Variants in CD3G observed in about 807,000 individuals in gnomAD.
CD3G encodes T-cell surface glycoprotein CD3 gamma chain.
CD3G carries 24 observed loss-of-function variants against 28.3 expected under a neutral mutation model. That is an observed-to-expected ratio of 0.85 (90% CI 0.61 to 1.19). CD3G has a LOEUF of 1.19. CD3G is among the 50% of genes most tolerant of loss of function. The pLI is 0.00. For missense variants in CD3G, 211 were observed against 210.0 expected (o/e 1.00, Z -0.03); for synonymous variants, 71 against 75.9 (o/e 0.93, Z 0.34).
intron 6 of CD3G, 65 bp from the exon 7 acceptor site, chr11:118,353,054 C>A (rs373029363): frequency 6.3e-6 from 1 of 157,902 alleles, no homozygotes. Flanking sequence ...AAGTTTCTAT[C>A]AGGAAGACAG....
In CD3G at chr11:118,349,747, C is replaced by A. The variant is rs1221321410; in HGVS notation, c.84C>A (p.Asn28Lys). ...CCACGGCTTTTCTCATTTCAGGAAA[C>A]CACTTGGTTAAGGTGTATGACTATC... ...QGTLAQSIKGNHLVKVYDYQE... is the reference protein window; with the variant it reads ...QGTLAQSIKGKHLVKVYDYQE... Residue 28 changes from asparagine to lysine, a missense_variant, in exon 3 of 7, where the codon AAC (asparagine) becomes AAA (lysine). Coordinates refer to ENST00000532917, the MANE Select transcript of CD3G (RefSeq NM_000073.3). The A allele has an allele frequency of 1.2e-6, 2 of 1,612,784 alleles. No individual in the cohort carries two copies. The highest frequency in any genetic ancestry group is 2.2e-5 in the South Asian group (2 of 91,034).
chr11:118,346,314 G>A (rs1948355515), intron 1 of CD3G, among the ~76,000 whole-genome samples: 1 of 152,112 alleles, frequency 6.6e-6, no homozygotes, highest in Non-Finnish European at 1.5e-5. Context: ...GTGGGTGCCT[G>A]TAATCCCAGC....
rs762650604 is a variant in CD3G at position 118,351,667 on chromosome 11, A to G, written c.479A>G (p.Tyr160Cys). 1.2e-6 allele frequency: 2 copies of G among 1,613,784 alleles called. No homozygotes were observed. Among genetic ancestry groups the G allele is most frequent in the East Asian group, 2.2e-5 (1 of 44,892 alleles). ...KQTLLPNDQLYQPLKDREDDQ... is the reference protein window; with the variant it reads ...KQTLLPNDQLCQPLKDREDDQ... ...ACTCTGTTGCCCAATGACCAGCTCT[A>G]CCAGGTAAGGGGATGAAGAATAAAA... The change falls in exon 5 of 7, where the codon TAC becomes TGC. Residue 160 changes from tyrosine to cysteine, a missense_variant. Physicochemically the swap from Tyr to Cys is radical, Grantham distance 194. Transcript: ENST00000532917.
intron 1 of CD3G, among the ~76,000 whole-genome samples, chr11:118,345,348 A>C (rs1318818706): frequency 6.6e-6 from 1 of 152,250 alleles, no homozygotes; most frequent in African/African-American, 2.4e-5. Context: ...AAGAGAGCCC[A>C]CTAATATAAG....
At chr11:118,347,261 G>A (rs1322782822) in intron 1 of CD3G, among the ~76,000 whole-genome samples, 1 of 152,032 alleles carries the variant, frequency 6.6e-6, no homozygotes, top group Non-Finnish European at 1.5e-5. Flanking sequence ...GTATATTCTT[G>A]CTTACTCTTC....
intron 5 of CD3G, 95 bp from the exon 6 acceptor site, chr11:118,352,309 C>A: frequency 9.6e-7 from 1 of 1,038,286 alleles, no homozygotes; most frequent in Non-Finnish European, 1.5e-6. Context: ...GTACCCACTC[C>A]AAATTCTCAC....
In CD3G at chr11:118,353,828, GTCTTAAAA is replaced by G. The variant is rs1055005547; in HGVS notation, c.*729_*736del. The stretch of plus-strand genomic sequence containing the variant: ...TTACAGGTGTGAGCCACCATGCCTG[GTCTTAAAA>G]CCAGTTTCTTATATATCTCTCTGGA... On this transcript the variant is annotated 3_prime_UTR_variant, in exon 7 of 7. Transcript: ENST00000532917. The G allele has an allele frequency of 6.6e-6, 1 of 152,040 alleles. No individual in the cohort carries two copies. The highest frequency in any genetic ancestry group is 2.4e-5 in the African/African-American group (1 of 41,370). 9.4% of individuals were successfully genotyped at this position (152,040 alleles called of 1,614,324 possible).
intron 1 of CD3G, among the ~76,000 whole-genome samples, chr11:118,345,734 C>G (rs1338571634): frequency 6.6e-6 from 1 of 151,974 alleles, no homozygotes; most frequent in Non-Finnish European, 1.5e-5. Context: ...CCTCTAAGAC[C>G]AGGAGAAAGG....
chr11:118,352,966 T>C (rs187294697), intron 6 of CD3G, among the ~76,000 whole-genome samples, 153 bp from the exon 7 acceptor site: 3 of 152,326 alleles, frequency 2.0e-5, no homozygotes, highest in Admixed American at 2.0e-4. Context: ...TCACCCTTAG[T>C]TAAGAACCAC....
intron 5 of CD3G, among the ~76,000 whole-genome samples, chr11:118,352,126 G>A (rs1391005565): frequency 6.6e-6 from 1 of 151,988 alleles, no homozygotes; most frequent in East Asian, 1.9e-4. Flanking sequence ...TGAGGCAGGA[G>A]GACCACTTGA....
At chr11:118,344,584 CT>C (rs1442393395) in intron 1 of CD3G, 106 bp downstream of exon 1, 4 of 983,346 alleles carry the variant, frequency 4.1e-6, no homozygotes, top group Middle Eastern at 2.1e-4. Context: ...CCTACCTCTG[CT>C]GTCACCTTAG....
chr11:118,349,856 C>G lies in CD3G; in HGVS notation c.193C>G (p.Leu65Val). The change falls in exon 3 of 7, where the codon CTA (leucine) becomes GTA (valine). Residue 65 changes from leucine (L) to valine (V), a missense_variant. Transcript: ENST00000532917. ...TAAAGATGGGAAGATGATCGGCTTC[C>G]TAACTGAAGATAAAAAAAAATGGAA... ...WFKDGKMIGF[L>V]TEDKKKWNLG... 1.2e-6 allele frequency: 2 copies of G among 1,613,988 alleles called. No homozygotes were observed. Among genetic ancestry groups the G allele is most frequent in the Non-Finnish European group, 1.7e-6 (2 of 1,179,932 alleles).
intron 2 of CD3G, 115 bp from the exon 3 acceptor site, chr11:118,349,628 T>G (rs548243415): frequency 2.4e-6 from 2 of 835,658 alleles, no homozygotes; most frequent in Non-Finnish European, 4.0e-6. Flanking sequence ...CCCCATGTGA[T>G]TCATGTGCAC....
intron 1 of CD3G, 46 bp from the exon 2 acceptor site, chr11:118,348,981 C>T: frequency 1.9e-6 from 3 of 1,607,652 alleles, no homozygotes; most frequent in African/African-American, 1.3e-5. Context: ...GGCATCTGAA[C>T]AACTCCATGC....
rs180793518 is a variant in CD3G at position 118,349,852 on chromosome 11, C to A, written c.189C>A (p.Gly63=). The change falls in exon 3 of 7, where the codon GGC becomes GGA. Residue 63 remains glycine (G), a synonymous_variant. Coordinates refer to ENST00000532917, the MANE Select transcript of CD3G (RefSeq NM_000073.3). Reference sequence around the variant, plus strand: ...GGTTTAAAGATGGGAAGATGATCGGCTTCCTAACTGAAGATAAAAAAAAAT... The same window carrying A: ...GGTTTAAAGATGGGAAGATGATCGGATTCCTAACTGAAGATAAAAAAAAAT... ...ITWFKDGKMI[G]FLTEDKKKWN... 1 of 1,613,888 alleles carries A rather than the reference C, an allele frequency of 6.2e-7. No individual in the cohort carries two copies. Among genetic ancestry groups the A allele is most frequent in the African/African-American group, 1.3e-5 (1 of 74,860 alleles).
rs1948399185 is a variant in CD3G, at chr11:118,350,645, A to G, written c.401A>G (p.Tyr134Cys). The G allele has an allele frequency of 1.9e-6, 3 of 1,613,896 alleles. No individual in the cohort carries two copies. Among genetic ancestry groups the G allele is most frequent in the East Asian group, 2.2e-5 (1 of 44,866 alleles). ...VSIFVLAVGV[Y>C]FIAGQDGVRQ... The stretch of plus-strand genomic sequence containing the variant: ...ATTTTCGTCCTTGCTGTTGGGGTCT[A>G]CTTCATTGCTGGACAGGATGGAGTT... The change falls in exon 4 of 7, where the codon TAC becomes TGC. Residue 134 changes from tyrosine to cysteine, a missense_variant. Tyr to Cys is a radical substitution (Grantham distance 194). Coordinates refer to ENST00000532917, the MANE Select transcript of CD3G (RefSeq NM_000073.3).
Position 118,350,561 on chromosome 11 carries a change from A to G in CD3G, c.317A>G (p.Asn106Ser). The G allele has an allele frequency of 6.2e-7, 1 of 1,612,070 alleles. No homozygotes were observed. The highest frequency in any genetic ancestry group is 1.3e-5 in the African/African-American group (1 of 75,004). Residue 106 changes from asparagine to serine, a missense_variant, in exon 4 of 7, where the codon AAC (asparagine) becomes AGC (serine). Physicochemically the swap from Asn to Ser is conservative, Grantham distance 46. Coordinates refer to ENST00000532917, the MANE Select transcript of CD3G (RefSeq NM_000073.3). ...CTCCTTTTCCCTACAGTGTGTCAGA[A>G]CTGCATTGAACTAAATGCAGCCACC... ...PLQVYYRMCQNCIELNAATIS... is the reference protein window; with the variant it reads ...PLQVYYRMCQSCIELNAATIS...
intron 3 of CD3G, chr11:118,350,270 A>C: frequency 1.8e-6 from 1 of 571,174 alleles, no homozygotes; most frequent in South Asian, 2.0e-5. Flanking sequence ...GGTGAGCAGC[A>C]GTGAGAACTG....
Position 118,344,490 on chromosome 11 carries a change from C to T in CD3G, c.55+12C>T. ...CATTCTTCTTCAAGGTAAGGGCCTACTAGGGGTCTGGAAGCCTGGGGAAGG... is the reference window on the plus strand; with the variant it reads ...CATTCTTCTTCAAGGTAAGGGCCTATTAGGGGTCTGGAAGCCTGGGGAAGG... On this transcript the variant is annotated intron_variant, in intron 1 of 6. Coordinates refer to ENST00000532917, the MANE Select transcript of CD3G (RefSeq NM_000073.3). 1.9e-6 allele frequency: 3 copies of T among 1,559,682 alleles called. No individual in the cohort carries two copies. The highest frequency in any genetic ancestry group is 2.6e-6 in the Non-Finnish European group (3 of 1,150,454).
Sources: allele counts gnomAD v4.1 joint callset (sites outside exome capture counted in the v4.1 genomes callset), GRCh38; gene constraint gnomAD v4.1.1; transcripts MANE v1.5; gene names NCBI Gene and HGNC (gene_info 2026-07-23, HGNC 2026-07-21).